The following MAP2K5 variants were observed in gnomAD, a reference collection of about 807,000 sequenced individuals.
MAP2K5 encodes dual specificity mitogen-activated protein kinase kinase 5.
MAP2K5 carries 49 observed loss-of-function variants against 83.1 expected under a neutral mutation model. The ratio of observed to expected loss-of-function variants is 0.59; its 90% CI spans 0.47 to 0.75. MAP2K5 has a LOEUF of 0.75. MAP2K5 is among the 30% of genes least tolerant of loss of function. The pLI is 0.00. For synonymous variants in MAP2K5, 202 were observed against 191.8 expected (o/e 1.05, Z -0.44); for missense variants, 457 against 557.5 (o/e 0.82, Z 1.82).
In MAP2K5 at chr15:67,714,462, C is replaced by T. The variant is rs951880098; in HGVS notation, c.1044+11054C>T. On this transcript the variant is annotated intron_variant, in intron 16 of 21. Coordinates refer to ENST00000178640, the MANE Select transcript of MAP2K5 (RefSeq NM_145160.3). Reference sequence around the variant, plus strand: ...AAAAAAAAAAAAAAAAAAACCACCACCCTGACACAGCTGTTTCTAATGGGT... The same window carrying T: ...AAAAAAAAAAAAAAAAAAACCACCATCCTGACACAGCTGTTTCTAATGGGT... Among the ~76,000 whole-genome samples, 3 of 125,952 alleles carry T rather than the reference C, an allele frequency of 2.4e-5. No individual in the cohort carries two copies. In the East Asian group the frequency reaches 7.0e-4, roughly 29 times the overall value. 82.6% of individuals were successfully genotyped at this position (125,952 alleles called of 152,430 possible).
intron 17 of MAP2K5, among the ~76,000 whole-genome samples, chr15:67,734,757 A>C (rs1596878357): frequency 6.6e-6 from 1 of 152,260 alleles, no homozygotes; most frequent in Non-Finnish European, 1.5e-5. Flanking sequence ...TTGTTGCATA[A>C]ACTTTTTGAA....
At chr15:67,696,698 C>T (rs375950674) in intron 15 of MAP2K5, among the ~76,000 whole-genome samples, 23 of 152,316 alleles carry the variant, frequency 1.5e-4, no homozygotes, top group Middle Eastern at 3.4e-3. Context: ...ATAAGACAGG[C>T]CAGGCACAGT....
chr15:67,628,196 TG>T, intron 8 of MAP2K5: 1 of 868,856 alleles, frequency 1.2e-6, no homozygotes, highest in Non-Finnish European at 1.9e-6. Flanking sequence ...AAGAAGATAC[TG>T]AAGGCTGGGT....
chr15:67,752,401 T>C (rs2089738708), intron 19 of MAP2K5, among the ~76,000 whole-genome samples: 1 of 151,582 alleles, frequency 6.6e-6, no homozygotes, highest in East Asian at 2.0e-4. Flanking sequence ...GAAGACAGGC[T>C]GGGCACGGTG....
At chr15:67,586,980 A>G (rs1156622846) in intron 6 of MAP2K5, 67 bp downstream of exon 6, 4 of 1,524,192 alleles carry the variant, frequency 2.6e-6, no homozygotes, top group Admixed American at 1.7e-5. Context: ...GGGGTGGGGA[A>G]GAAGCTAGAA....
At chr15:67,716,056 C>T (rs914877415) in intron 16 of MAP2K5, among the ~76,000 whole-genome samples, 4 of 152,136 alleles carry the variant, frequency 2.6e-5, no homozygotes, top group African/African-American at 9.7e-5. Context: ...TTTTGAGTGC[C>T]TAGTATGTGG....
chr15:67,614,997 T>TTTTC (rs1014434552), intron 8 of MAP2K5, among the ~76,000 whole-genome samples: 7 of 151,984 alleles, frequency 4.6e-5, no homozygotes, highest in Non-Finnish European at 5.9e-5. Context: ...CTCTGTTTTT[T>TTTTC]TTTCTTTCTT....
At chr15:67,660,052 G>T (rs1422780029) in intron 12 of MAP2K5, among the ~76,000 whole-genome samples, 1 of 152,044 alleles carries the variant, frequency 6.6e-6, no homozygotes, top group Non-Finnish European at 1.5e-5. Context: ...TACTCTGAAG[G>T]ATTGTTTATA....
rs564092225 is a variant in MAP2K5 at position 67,567,615 on chromosome 15, C to T, written c.252+4265C>T. On this transcript the variant is annotated intron_variant, in intron 3 of 21. Coordinates refer to ENST00000178640, the MANE Select transcript of MAP2K5 (RefSeq NM_145160.3). ...TCCTGACCTCATGATCCACCCGCCT[C>T]GGCCTCCCAAAGTGCTGAGATTACA... Among the ~76,000 whole-genome samples the T allele has an allele frequency of 1.8e-4, 28 of 152,202 alleles. 1 individual carries two copies. In the South Asian group the frequency reaches 3.1e-3, roughly 17 times the overall value.
intron 16 of MAP2K5, among the ~76,000 whole-genome samples, chr15:67,727,512 C>T (rs572929153): frequency 6.6e-6 from 1 of 152,284 alleles, no homozygotes; most frequent in East Asian, 1.9e-4. Flanking sequence ...TCCATTTATA[C>T]TTGTAACTGA....
At chr15:67,641,674 ACTT>A in intron 9 of MAP2K5, 1 of 941,198 alleles carries the variant, frequency 1.1e-6, no homozygotes, top group Non-Finnish European at 1.3e-6. Context: ...TCAGTTTCTC[ACTT>A]AACCCTTTCT....
chr15:67,763,387 A>T (rs182164221), intron 19 of MAP2K5, among the ~76,000 whole-genome samples: 226 of 152,322 alleles, frequency 1.5e-3, no homozygotes, highest in Non-Finnish European at 2.8e-3. Flanking sequence ...AACGAGACTC[A>T]TTCTCGGACC....
chr15:67,590,468 T>TCTCTCTCTCTCTCTCTCTCTCC (rs59998974), intron 6 of MAP2K5, among the ~76,000 whole-genome samples: 10 of 27,248 alleles, frequency 3.7e-4, no homozygotes, highest in East Asian at 3.0e-3. Flanking sequence ...TCTCTCTCTC[T>TCTCTCTCTCTCTCTCTCTCTCC]CTCTCTCTTT....
At chr15:67,694,266 C>G (rs556350240) in intron 15 of MAP2K5, among the ~76,000 whole-genome samples, 1 of 152,090 alleles carries the variant, frequency 6.6e-6, no homozygotes, top group East Asian at 1.9e-4. Flanking sequence ...AAAAATTAAA[C>G]AGGAAACTTA....
intron 21 of MAP2K5, among the ~76,000 whole-genome samples, chr15:67,796,312 A>G (rs538251230): frequency 6.6e-6 from 1 of 152,324 alleles, no homozygotes; most frequent in Admixed American, 6.5e-5. Context: ...CCTGAGACTG[A>G]GTAACCTGAA....
intron 17 of MAP2K5, among the ~76,000 whole-genome samples, chr15:67,737,078 A>G (rs531353062): frequency 6.6e-6 from 1 of 152,326 alleles, no homozygotes; most frequent in South Asian, 2.1e-4. Context: ...GGAGAAAGTG[A>G]GATAAGGCAT....
intron 20 of MAP2K5, among the ~76,000 whole-genome samples, chr15:67,771,479 G>T (rs1036827742): frequency 2.0e-5 from 3 of 152,292 alleles, no homozygotes; most frequent in Non-Finnish European, 2.9e-5. Flanking sequence ...GTTTTATGGA[G>T]ACAGAGGGAG....
At chr15:67,633,782 T>C (rs921616430) in intron 9 of MAP2K5, among the ~76,000 whole-genome samples, 12 of 152,226 alleles carry the variant, frequency 7.9e-5, no homozygotes, top group Non-Finnish European at 1.5e-5. Flanking sequence ...AACATTTGTG[T>C]AGCCCTGAGC....
chr15:67,799,295 G>A (rs2090661277), intron 21 of MAP2K5, among the ~76,000 whole-genome samples: 1 of 152,276 alleles, frequency 6.6e-6, no homozygotes, highest in South Asian at 2.1e-4. Context: ...TGGACAGGAA[G>A]ACTCCACATC....
Sources: allele counts gnomAD v4.1 joint callset (sites outside exome capture counted in the v4.1 genomes callset), GRCh38; gene constraint gnomAD v4.1.1; transcripts MANE v1.5; gene names NCBI Gene and HGNC (gene_info 2026-07-23, HGNC 2026-07-21).